Variants in CSMD3 observed in about 807,000 individuals in gnomAD.
The protein encoded by CSMD3 is CUB and sushi domain-containing protein 3.
Under a neutral mutation model 435.2 loss-of-function variants are expected in CSMD3, and 177 were observed. The ratio of observed to expected loss-of-function variants is 0.41; its 90% CI spans 0.36 to 0.46. The LOEUF is 0.46. Among genes scored for constraint, CSMD3 ranks in the 20% least tolerant of loss-of-function variants. The pLI is 0.34. For synonymous variants in CSMD3, 1,656 were observed against 1,520.5 expected, an observed-to-expected ratio of 1.09 and a Z score of -2.07; for missense variants, 4,265 against 4,504.6, an observed-to-expected ratio of 0.95 and a Z score of 1.52.
rs540863803 is a variant in CSMD3, at chr8:112,480,864, A to T, written c.5279-8157T>A. Among the ~76,000 whole-genome samples, 5 of 152,296 alleles carry T rather than the reference A, an allele frequency of 3.3e-5. No individual in the cohort carries two copies. In the South Asian group the frequency reaches 8.3e-4, roughly 25 times the overall value. On this transcript the variant is annotated intron_variant, in intron 31 of 70. Transcript: ENST00000297405. ...TGCTAATATCTTATCAGTCTAAGGA[A>T]TATGCTTATTTAGTGAGTGAAGTTT... is the stretch of plus-strand genomic sequence containing the variant.
chr8:113,314,976 TAGA>T (rs1361913634), intron 1 of CSMD3, among the ~76,000 whole-genome samples, 183 bp from the exon 2 acceptor site: 1 of 152,096 alleles, frequency 6.6e-6, no homozygotes, highest in Non-Finnish European at 1.5e-5. Context: ...AACAAAATAA[TAGA>T]AGATTTATCA....
intron 5 of CSMD3, among the ~76,000 whole-genome samples, chr8:113,087,294 A>G (rs1008060377): frequency 3.2e-4 from 49 of 151,978 alleles, no homozygotes; most frequent in Non-Finnish European, 2.2e-4. Flanking sequence ...AAGGTAATTT[A>G]CAGATTCAAT....
chr8:113,024,834 T>C (rs567575612), intron 5 of CSMD3, among the ~76,000 whole-genome samples: 2 of 152,280 alleles, frequency 1.3e-5, no homozygotes, highest in African/African-American at 2.4e-5. Context: ...ACTGGAGTAA[T>C]GTACATTGTA....
At chr8:112,279,209 G>A (rs1342196921) in intron 59 of CSMD3, among the ~76,000 whole-genome samples, 1 of 152,162 alleles carries the variant, frequency 6.6e-6, no homozygotes, top group African/African-American at 2.4e-5. Context: ...GGTTTTAAAT[G>A]AACAGATTCT....
At chr8:112,721,423 A>G (rs888847958) in intron 13 of CSMD3, among the ~76,000 whole-genome samples, 2 of 152,038 alleles carry the variant, frequency 1.3e-5, no homozygotes, top group African/African-American at 4.8e-5. Flanking sequence ...AAAAATACAA[A>G]AATTAGCTCG....
intron 10 of CSMD3, among the ~76,000 whole-genome samples, chr8:112,898,666 A>G (rs2082019239): frequency 6.6e-6 from 1 of 151,324 alleles, no homozygotes; most frequent in Non-Finnish European, 1.5e-5. Context: ...CATAACAAAT[A>G]TATATATGCA....
chr8:112,424,208 C>G (rs1458466188), intron 32 of CSMD3, among the ~76,000 whole-genome samples: 2 of 152,042 alleles, frequency 1.3e-5, no homozygotes, highest in South Asian at 2.1e-4. Context: ...CCCAGATCGA[C>G]GGCCAATAGA....
At chr8:112,415,335 T>C (rs1811792096) in intron 32 of CSMD3, among the ~76,000 whole-genome samples, 1 of 152,238 alleles carries the variant, frequency 6.6e-6, no homozygotes, top group African/African-American at 2.4e-5. Flanking sequence ...TCCCAAGCCT[T>C]GGCAGCTTTC....
At chr8:112,681,039 C>T (rs113308919) in intron 16 of CSMD3, among the ~76,000 whole-genome samples, 2,750 of 139,458 alleles carry the variant, frequency 0.02, 47 homozygotes, top group Middle Eastern at 0.051. Flanking sequence ...TTTCCTTTTT[C>T]TTTTTTTTTT....
intron 5 of CSMD3, among the ~76,000 whole-genome samples, chr8:113,025,510 G>A (rs1284509130): frequency 6.6e-6 from 1 of 152,150 alleles, no homozygotes; most frequent in Non-Finnish European, 1.5e-5. Flanking sequence ...GCTTGCTGGA[G>A]TCCAGGACCT....
chr8:112,909,028 T>C (rs895587623), intron 10 of CSMD3, among the ~76,000 whole-genome samples: 2 of 150,326 alleles, frequency 1.3e-5, no homozygotes, highest in South Asian at 2.1e-4. Context: ...TTTTCTTGTC[T>C]TTTTTTTTCC....
At chr8:113,389,944 A>C (rs2094454702) in intron 1 of CSMD3, among the ~76,000 whole-genome samples, 1 of 151,696 alleles carries the variant, frequency 6.6e-6, no homozygotes, top group African/African-American at 2.4e-5. Flanking sequence ...GTATTTAATA[A>C]CTGAATTCTT....
intron 38 of CSMD3, among the ~76,000 whole-genome samples, chr8:112,361,606 TA>T (rs1827238735): frequency 4.0e-5 from 5 of 123,656 alleles, no homozygotes; most frequent in African/African-American, 1.8e-4. Context: ...TATATATATA[TA>T]TATATATATA....
chr8:112,679,769 A>G (rs1051927629), intron 16 of CSMD3, among the ~76,000 whole-genome samples: 1 of 152,122 alleles, frequency 6.6e-6, no homozygotes. Flanking sequence ...ACAAAATTCA[A>G]ACTTACCTAG....
intron 32 of CSMD3, among the ~76,000 whole-genome samples, chr8:112,439,121 A>G (rs1814697051): frequency 6.6e-6 from 1 of 152,156 alleles, no homozygotes; most frequent in African/African-American, 2.4e-5. Flanking sequence ...GAAAAATATA[A>G]TGCAGTGTGA....
intron 61 of CSMD3, among the ~76,000 whole-genome samples, chr8:112,260,430 T>C (rs927890957): frequency 6.6e-6 from 1 of 152,190 alleles, no homozygotes; most frequent in Non-Finnish European, 1.5e-5. Context: ...GGAGCTCTAT[T>C]ATGTGTAGTA....
intron 3 of CSMD3, among the ~76,000 whole-genome samples, chr8:113,188,092 G>A (rs1335502105): frequency 1.1e-4 from 17 of 151,744 alleles, no homozygotes; most frequent in Admixed American, 7.9e-4. Flanking sequence ...TTCAGTCCAC[G>A]GTGATTACCT....
At chr8:112,882,842 CT>C (rs1415664094) in intron 10 of CSMD3, among the ~76,000 whole-genome samples, 1 of 151,978 alleles carries the variant, frequency 6.6e-6, no homozygotes, top group Non-Finnish European at 1.5e-5. Context: ...AGGTTAAAGA[CT>C]TTTCATAACA....
intron 31 of CSMD3, among the ~76,000 whole-genome samples, chr8:112,481,497 C>T (rs1819618516): frequency 6.6e-6 from 1 of 152,056 alleles, no homozygotes; most frequent in East Asian, 1.9e-4. Flanking sequence ...GTGATGACTT[C>T]TTGCAGGTCA....
Sources: allele counts gnomAD v4.1 joint callset (sites outside exome capture counted in the v4.1 genomes callset), GRCh38; gene constraint gnomAD v4.1.1; transcripts MANE v1.5; gene names NCBI Gene and HGNC (gene_info 2026-07-23, HGNC 2026-07-21).